The following KIF26B variants were observed in gnomAD, a reference collection of about 807,000 sequenced individuals.
KIF26B encodes the protein kinesin-like protein KIF26B.
A neutral mutation model predicts 151.2 loss-of-function variants in KIF26B; 63 were observed. That is an observed-to-expected ratio of 0.42 (90% CI 0.34 to 0.51). The LOEUF (loss-of-function observed/expected upper bound fraction) is 0.51. Among genes scored for constraint, KIF26B ranks in the 20% least tolerant of loss-of-function variants. The probability of loss-of-function intolerance (pLI) is 0.07; values close to 1 mark genes in which losing one functional copy is unlikely to be tolerated. For synonymous variants in KIF26B, 1,357 were observed against 1,262.1 expected (o/e 1.08, Z -1.59); for missense variants, 2,813 against 2,913.6 (o/e 0.97, Z 0.79).
intron 4 of KIF26B, among the ~76,000 whole-genome samples, chr1:245,498,775 T>C (rs1235808962): frequency 6.6e-6 from 1 of 152,172 alleles, no homozygotes; most frequent in African/African-American, 2.4e-5. Context: ...GGTTTGTCCT[T>C]CCAGGTACAG....
intron 4 of KIF26B, among the ~76,000 whole-genome samples, chr1:245,424,618 G>A (rs1658577201): frequency 6.6e-6 from 1 of 152,122 alleles, no homozygotes; most frequent in Admixed American, 6.6e-5. Flanking sequence ...AGCAGTGTGT[G>A]GTCTGTGCTG....
intron 2 of KIF26B, among the ~76,000 whole-genome samples, chr1:245,183,155 A>G (rs1274867571): frequency 2.0e-5 from 3 of 152,086 alleles, no homozygotes; most frequent in African/African-American, 7.2e-5. Context: ...TAATTGGGCT[A>G]TTTTTGTTGT....
chr1:245,389,639 A>G (rs888771592), intron 3 of KIF26B, among the ~76,000 whole-genome samples: 2 of 152,230 alleles, frequency 1.3e-5, no homozygotes, highest in African/African-American at 4.8e-5. Flanking sequence ...CCTCCCTTGA[A>G]TATTTGACGC....
At chr1:245,362,222 G>C (rs1389748762) in intron 2 of KIF26B, among the ~76,000 whole-genome samples, 1 of 151,448 alleles carries the variant, frequency 6.6e-6, no homozygotes, top group African/African-American at 2.4e-5. Context: ...GGTAAGCATC[G>C]ACGAACAAAA....
intron 4 of KIF26B, among the ~76,000 whole-genome samples, chr1:245,472,146 G>A (rs1464433058): frequency 6.6e-6 from 1 of 152,128 alleles, no homozygotes; most frequent in Non-Finnish European, 1.5e-5. Context: ...GAAAATACCT[G>A]CCAGTCAAAA....
At chr1:245,570,250 T>G (rs2043054637) in intron 5 of KIF26B, among the ~76,000 whole-genome samples, 1 of 152,148 alleles carries the variant, frequency 6.6e-6, no homozygotes, top group Non-Finnish European at 1.5e-5. Context: ...AAAAATATTT[T>G]TGATTTCCAC....
At position 245,705,320 on chromosome 1, in the gene KIF26B, C is replaced by G. The variant is rs2044826776; in HGVS notation, c.*2714C>G. On this transcript the variant is annotated 3_prime_UTR_variant, in exon 15 of 15. Coordinates refer to ENST00000407071, the MANE Select transcript of KIF26B (RefSeq NM_018012.4). Reference sequence around the variant, plus strand: ...ATAAGCTGCAAACATGTTAATTTACCAATATTGATAAACCACATGAAGAAA... The same window carrying G: ...ATAAGCTGCAAACATGTTAATTTACGAATATTGATAAACCACATGAAGAAA... 1 of 152,020 alleles carries G rather than the reference C, an allele frequency of 6.6e-6. No homozygotes were observed. The highest frequency in any genetic ancestry group is 1.5e-5 in the Non-Finnish European group (1 of 68,016). The allele number at this position is 152,020 out of a possible 1,614,324, so 9.4% of individuals were successfully genotyped here. A position where few individuals can be genotyped will look rare whatever the true frequency, so the allele number is the denominator to read the frequency against.
intron 4 of KIF26B, among the ~76,000 whole-genome samples, chr1:245,517,785 C>G (rs2103087892): frequency 6.6e-6 from 1 of 151,376 alleles, no homozygotes; most frequent in African/African-American, 2.4e-5. Flanking sequence ...CAGGAGGTGG[C>G]TGGGAAGGGA....
chr1:245,575,992 GC>G (rs2103125872), intron 5 of KIF26B, among the ~76,000 whole-genome samples: 1 of 152,212 alleles, frequency 6.6e-6, no homozygotes, highest in African/African-American at 2.4e-5. Context: ...CACCCACCAT[GC>G]CTGCACCTCC....
At chr1:245,156,202 G>T in intron 1 of KIF26B, 80 bp from the exon 2 acceptor site, 1 of 1,488,200 alleles carries the variant, frequency 6.7e-7, no homozygotes, top group Non-Finnish European at 8.9e-7. Context: ...CGGGTACTTG[G>T]TGGCGCACGT....
chr1:245,439,346 C>CAAAAAAAAAAAAA (rs777808376), intron 4 of KIF26B, among the ~76,000 whole-genome samples: 39 of 131,688 alleles, frequency 3.0e-4, no homozygotes, highest in South Asian at 7.3e-4. Flanking sequence ...GACCCTGTCT[C>CAAAAAAAAAAAAA]AAAAAAAAAA....
chr1:245,570,060 G>A lies in KIF26B; in HGVS notation c.1350+29110G>A, dbSNP rs574999267. Among the ~76,000 whole-genome samples, 702 of 144,390 alleles carry A rather than the reference G, an allele frequency of 4.9e-3. 7 individuals carry two copies. Among genetic ancestry groups the A allele is most frequent in the African/African-American group, 0.017 (649 of 38,798 alleles). The allele number at this position is 144,390 out of a possible 152,430, so 94.7% of individuals were successfully genotyped here. A position where few individuals can be genotyped will look rare whatever the true frequency, so the allele number is the denominator to read the frequency against. ...ACGCCATTCTCCTGCCTCAGCCTCC[G>A]GAGTAGCTGGGACTACAGGCGCCCG... is the stretch of plus-strand genomic sequence containing the variant. On this transcript the variant is annotated intron_variant, in intron 5 of 14. Coordinates refer to ENST00000407071, the MANE Select transcript of KIF26B (RefSeq NM_018012.4).
chr1:245,465,891 C>T (rs913885669), intron 4 of KIF26B, among the ~76,000 whole-genome samples: 13 of 152,282 alleles, frequency 8.5e-5, no homozygotes, highest in South Asian at 6.2e-4. Context: ...TCTCCTTCTG[C>T]GCTCTCCAAG....
chr1:245,521,335 C>T (rs114113733), intron 4 of KIF26B, among the ~76,000 whole-genome samples: 2,455 of 138,786 alleles, frequency 0.018, 27 homozygotes, highest in Middle Eastern at 0.045. Flanking sequence ...AGCGAGACTC[C>T]GTCTTAAAAA....
rs551344464 is a variant in KIF26B, at chr1:245,476,601, C to T, written c.1166+56856C>T. The stretch of plus-strand genomic sequence containing the variant: ...CCCAGGCTGAAGTGCAGTGGCGTGA[C>T]CTTGGCTCACTGCAGCCTTGACCTC... On this transcript the variant is annotated intron_variant, in intron 4 of 14. Coordinates refer to ENST00000407071, the MANE Select transcript of KIF26B (RefSeq NM_018012.4). Among the ~76,000 whole-genome samples the T allele has an allele frequency of 5.5e-4, 84 of 151,412 alleles. 1 individual carries two copies. The highest frequency in any genetic ancestry group is 1.9e-3 in the African/African-American group (80 of 41,396).
intron 4 of KIF26B, among the ~76,000 whole-genome samples, chr1:245,496,140 C>T (rs1034102751): frequency 2.0e-5 from 3 of 152,192 alleles, no homozygotes; most frequent in African/African-American, 7.2e-5. Flanking sequence ...AAAGGGTCAA[C>T]ATGTGGTTAA....
chr1:245,657,176 A>G (rs1245764047), intron 10 of KIF26B, among the ~76,000 whole-genome samples: 2 of 152,100 alleles, frequency 1.3e-5, no homozygotes, highest in African/African-American at 2.4e-5. Flanking sequence ...CCTCCCATTT[A>G]TAAGCATACA....
intron 4 of KIF26B, among the ~76,000 whole-genome samples, chr1:245,492,600 G>A (rs1660431065): frequency 6.6e-6 from 1 of 152,182 alleles, no homozygotes; most frequent in Admixed American, 6.5e-5. Flanking sequence ...CATGGCCACC[G>A]AAGTTTTGCA....
intron 4 of KIF26B, among the ~76,000 whole-genome samples, chr1:245,490,387 C>G (rs1303069394): frequency 4.7e-5 from 7 of 147,836 alleles, no homozygotes; most frequent in African/African-American, 1.8e-4. Flanking sequence ...TCTCGGCTCA[C>G]TGCAACCTCC....
Sources: allele counts gnomAD v4.1 joint callset (sites outside exome capture counted in the v4.1 genomes callset), GRCh38; gene constraint gnomAD v4.1.1; transcripts MANE v1.5; gene names NCBI Gene and HGNC (gene_info 2026-07-23, HGNC 2026-07-21).